Variants in RBFOX1 observed in about 807,000 individuals in gnomAD.
RBFOX1 encodes RNA binding protein fox-1 homolog 1.
A neutral mutation model predicts 57.7 loss-of-function variants in RBFOX1; 8 were observed. The observed-to-expected ratio is 0.14, with a 90% CI of 0.08 to 0.25. The LOEUF (loss-of-function observed/expected upper bound fraction) is 0.25, where lower values mean the gene tolerates loss of function less well. Ranked by LOEUF, RBFOX1 falls within the 10% of genes least tolerant of loss-of-function variation. The pLI is 1.00. For missense variants in RBFOX1, 611 were observed against 548.5 expected, an observed-to-expected ratio of 1.11 and a Z score of -1.14; for synonymous variants, 326 against 222.4, an observed-to-expected ratio of 1.47 and a Z score of -4.15.
chr16:7,334,083 A>C (rs1355206757), intron 4 of RBFOX1, among the ~76,000 whole-genome samples: 1 of 152,090 alleles, frequency 6.6e-6, no homozygotes, highest in Non-Finnish European at 1.5e-5. Flanking sequence ...CTAGCTCATT[A>C]ATTACAATTT....
intron 4 of RBFOX1, among the ~76,000 whole-genome samples, chr16:7,442,401 A>G (rs184717705): frequency 6.6e-6 from 1 of 152,148 alleles, no homozygotes; most frequent in South Asian, 2.1e-4. Flanking sequence ...CATTTGTCGA[A>G]CTCTGGGCCC....
intron 3 of RBFOX1, among the ~76,000 whole-genome samples, chr16:7,000,486 T>C (rs2092682503): frequency 6.6e-6 from 1 of 152,160 alleles, no homozygotes; most frequent in Admixed American, 6.5e-5. Context: ...TCTTTATATT[T>C]TCTGTTGACT....
chr16:6,288,425 C>T (rs2077114453), intron 1 of RBFOX1, among the ~76,000 whole-genome samples: 1 of 152,122 alleles, frequency 6.6e-6, no homozygotes. Flanking sequence ...GGGATGCTAC[C>T]AAGTCATGGA....
At chr16:6,691,528 G>C (rs552790497) in intron 3 of RBFOX1, among the ~76,000 whole-genome samples, 2 of 152,006 alleles carry the variant, frequency 1.3e-5, no homozygotes, top group Admixed American at 1.3e-4. Flanking sequence ...AATGCGTTTC[G>C]CAGGTTTCCC....
At chr16:7,697,331 A>C (rs551012617) in intron 14 of RBFOX1, among the ~76,000 whole-genome samples, 20 of 152,036 alleles carry the variant, frequency 1.3e-4, no homozygotes, top group South Asian at 1.0e-3. Flanking sequence ...TCCACTCCCC[A>C]CTCTTGTTCT....
intron 11 of RBFOX1, among the ~76,000 whole-genome samples, chr16:7,633,796 C>T (rs929723530): frequency 9.2e-5 from 14 of 152,096 alleles, no homozygotes; most frequent in South Asian, 4.2e-4. Flanking sequence ...TAAGTTTATC[C>T]GCAAATCCCT....
chr16:6,078,690 C>G (rs903453765), intron 1 of RBFOX1, among the ~76,000 whole-genome samples: 1 of 152,188 alleles, frequency 6.6e-6, no homozygotes, highest in Non-Finnish European at 1.5e-5. Flanking sequence ...GTGCTTGCAG[C>G]AACACCCTGC....
intron 4 of RBFOX1, among the ~76,000 whole-genome samples, chr16:6,008,219 CA>C (rs547569373): frequency 4.6e-5 from 6 of 130,882 alleles, no homozygotes; most frequent in Non-Finnish European, 8.0e-5. Flanking sequence ...ACCCACCCCC[CA>C]AAAAAAGGTA....
At chr16:5,249,285 G>T (rs193057468) in intron 1 of RBFOX1, among the ~76,000 whole-genome samples, 2 of 152,116 alleles carry the variant, frequency 1.3e-5, no homozygotes, top group Non-Finnish European at 2.9e-5. Flanking sequence ...CCTTGGCTTC[G>T]TGTCCCCCTT....
At chr16:6,303,875 T>C (rs1021472128) in intron 1 of RBFOX1, among the ~76,000 whole-genome samples, 2 of 138,756 alleles carry the variant, frequency 1.4e-5, no homozygotes, top group African/African-American at 5.2e-5. Flanking sequence ...GCAATGGCGC[T>C]ATCTCAGCTC....
chr16:6,834,208 G>C (rs1219977086), intron 3 of RBFOX1, among the ~76,000 whole-genome samples: 1 of 151,904 alleles, frequency 6.6e-6, no homozygotes, highest in East Asian at 1.9e-4. Context: ...CAGGTAGCTG[G>C]GATTACAGGT....
At chr16:5,520,492 T>A (rs984352559) in intron 2 of RBFOX1, among the ~76,000 whole-genome samples, 5 of 152,198 alleles carry the variant, frequency 3.3e-5, no homozygotes, top group Admixed American at 6.5e-5. Flanking sequence ...GAAATGAAAC[T>A]GTTCTGGGGT....
chr16:7,686,761 T>A (rs1475316706), intron 14 of RBFOX1, among the ~76,000 whole-genome samples: 1 of 152,120 alleles, frequency 6.6e-6, no homozygotes, highest in African/African-American at 2.4e-5. Flanking sequence ...CAACAAAGCA[T>A]GGTTTTCAGA....
chr16:7,602,661 T>G (rs940707056), intron 9 of RBFOX1, among the ~76,000 whole-genome samples: 1 of 152,156 alleles, frequency 6.6e-6, no homozygotes, highest in African/African-American at 2.4e-5. Context: ...TTTGCATATA[T>G]TTACATAAGC....
chr16:5,912,561 C>G (rs1019754328), intron 4 of RBFOX1, among the ~76,000 whole-genome samples: 2 of 152,176 alleles, frequency 1.3e-5, no homozygotes, highest in African/African-American at 4.8e-5. Flanking sequence ...AGTCATTTTC[C>G]TACTCATGAC....
intron 4 of RBFOX1, among the ~76,000 whole-genome samples, chr16:7,352,062 C>T (rs577055280): frequency 7.2e-5 from 11 of 152,220 alleles, no homozygotes; most frequent in East Asian, 1.9e-4. Flanking sequence ...TAATATGTCA[C>T]GCTGTAGGCA....
chr16:7,474,173 G>A (rs966548952), intron 4 of RBFOX1, among the ~76,000 whole-genome samples: 3 of 152,156 alleles, frequency 2.0e-5, no homozygotes, highest in African/African-American at 4.8e-5. Flanking sequence ...TGTAGTTCCA[G>A]CTACTCAGGG....
At chr16:6,519,562 G>A (rs866268563) in intron 2 of RBFOX1, among the ~76,000 whole-genome samples, 5 of 152,208 alleles carry the variant, frequency 3.3e-5, no homozygotes, top group African/African-American at 7.2e-5. Flanking sequence ...TTAGCCAGGC[G>A]TGGTGGTACA....
At chr16:5,757,659 G>A (rs2053448511) in intron 3 of RBFOX1, among the ~76,000 whole-genome samples, 1 of 152,190 alleles carries the variant, frequency 6.6e-6, no homozygotes, top group Middle Eastern at 3.4e-3. Context: ...AATGAGTTTT[G>A]TTGGACAGAT....
Sources: allele counts gnomAD v4.1 joint callset (sites outside exome capture counted in the v4.1 genomes callset), GRCh38; gene constraint gnomAD v4.1.1; transcripts MANE v1.5; gene names NCBI Gene and HGNC (gene_info 2026-07-23, HGNC 2026-07-21).